Variants in AKAP12 observed in about 807,000 individuals in gnomAD.
AKAP12 encodes A-kinase anchoring protein 12.
In AKAP12, 32 loss-of-function variants were observed where a neutral mutation model predicts 79.9. The observed-to-expected ratio is 0.40, with a 90% CI of 0.30 to 0.54. The LOEUF is 0.54. Ranked by LOEUF, AKAP12 falls within the 20% of genes least tolerant of loss-of-function variation. The pLI is 0.48. For synonymous variants in AKAP12, 808 were observed against 857.0 expected, an observed-to-expected ratio of 0.94 and a Z score of 1.00; for missense variants, 2,074 against 2,177.0, an observed-to-expected ratio of 0.95 and a Z score of 0.94.
intron 2 of AKAP12, among the ~76,000 whole-genome samples, chr6:151,259,202 G>A (rs1055604613): frequency 6.6e-6 from 1 of 150,782 alleles, no homozygotes; most frequent in Non-Finnish European, 1.5e-5. Flanking sequence ...CTGCCACCAC[G>A]CCCCGTTAAT....
chr6:151,354,528 C>A (rs1010810149), intron 4 of AKAP12, among the ~76,000 whole-genome samples: 1 of 152,076 alleles, frequency 6.6e-6, no homozygotes, highest in Non-Finnish European at 1.5e-5. Context: ...TGCCCGCCAC[C>A]ATACCCAGCT....
chr6:151,264,571 T>C (rs1797509530), intron 2 of AKAP12, among the ~76,000 whole-genome samples: 1 of 150,834 alleles, frequency 6.6e-6, no homozygotes, highest in African/African-American at 2.4e-5. Context: ...CTCAGGAGGC[T>C]GAGGCAGGAG....
intron 2 of AKAP12, among the ~76,000 whole-genome samples, chr6:151,304,818 C>T (rs868521834): frequency 2.0e-5 from 3 of 152,006 alleles, no homozygotes; most frequent in South Asian, 4.2e-4. Context: ...GTGATCTGCC[C>T]GCCTCGGCCT....
rs750035391 is a variant in AKAP12 at position 151,349,816 on chromosome 6, C to T, written c.1425C>T (p.Asp475=). The T allele has an allele frequency of 1.7e-4, 275 of 1,613,970 alleles. 1 individual carries two copies. Among genetic ancestry groups the T allele is most frequent in the Middle Eastern group, 1.6e-4 (1 of 6,084 alleles). ...KLKETCVSGE[D]PTQGADLSPD... ...AAGAAACGTGTGTTTCCGGAGAGGA[C>T]CCTACACAGGGAGCTGACCTCAGTC... Residue 475 remains aspartate, a synonymous_variant, in exon 4 of 5, where the codon GAC becomes GAT. Transcript: ENST00000402676.
chr6:151,330,876 TG>T (rs1777649319), intron 3 of AKAP12, among the ~76,000 whole-genome samples: 1 of 152,150 alleles, frequency 6.6e-6, no homozygotes, highest in Non-Finnish European at 1.5e-5. Flanking sequence ...AGCTTGCGGA[TG>T]GGGAACACAT....
At chr6:151,317,213 C>T (rs962237490) in intron 3 of AKAP12, among the ~76,000 whole-genome samples, 23 of 152,148 alleles carry the variant, frequency 1.5e-4, no homozygotes, top group African/African-American at 5.3e-4. Flanking sequence ...TTCTGCTTAA[C>T]CACTTGAAGG....
Position 151,356,373 on chromosome 6 carries a change from CAT to C in AKAP12, c.*661_*662del, listed in dbSNP as rs1778440563. The C allele has an allele frequency of 2.0e-5, 3 of 152,652 alleles. No individual in the cohort carries two copies. The South Asian group carries it at 6.2e-4, about 32-fold the overall frequency. The allele number at this position is 152,652 out of a possible 1,614,324, so 9.5% of individuals were successfully genotyped here. On this transcript the variant is annotated 3_prime_UTR_variant, in exon 5 of 5. Transcript: ENST00000402676. ...GCTAAAACTAAAAAGCATTTTGAAACATACAGAATGTTCTATTGTCATTGGGA... is the reference window on the plus strand; with the variant it reads ...GCTAAAACTAAAAAGCATTTTGAAACACAGAATGTTCTATTGTCATTGGGA...
At position 151,350,795 on chromosome 6, in the gene AKAP12, G is replaced by A. The variant is rs1170555508; in HGVS notation, c.2404G>A (p.Glu802Lys). ...TCCAGACACTGAACCCGGTAAAGAAGAATCCTGGGTCTCAATCAAGAAGTT... is the reference window on the plus strand; with the variant it reads ...TCCAGACACTGAACCCGGTAAAGAAAAATCCTGGGTCTCAATCAAGAAGTT... ...STPDTEPGKEESWVSIKKFIP... is the reference protein window; with the variant it reads ...STPDTEPGKEKSWVSIKKFIP... Residue 802 changes from glutamate (E) to lysine (K), a missense_variant, in exon 4 of 5, where the codon GAA becomes AAA. By Grantham distance (56) the Glu-to-Lys change is moderately conservative. Around this residue, in one of 3 missense-constraint regions of AKAP12, gnomAD observed 1,428 missense variants for 1,451.0 expected, o/e 0.98. Transcript: ENST00000402676. The surrounding 1 kb of genome is among the most constrained non-coding windows in gnomAD (Gnocchi z 4.8). 6.2e-7 allele frequency: 1 copy of A among 1,613,920 alleles called. No individual in the cohort carries two copies. Among genetic ancestry groups the A allele is most frequent in the East Asian group, 2.2e-5 (1 of 44,884 alleles).
intron 2 of AKAP12, among the ~76,000 whole-genome samples, chr6:151,286,997 GGCGTGAT>G (rs1349476773): frequency 1.3e-5 from 2 of 151,270 alleles, no homozygotes; most frequent in African/African-American, 4.9e-5. Context: ...GGAGTGCAGT[GGCGTGAT>G]CTCGGCTCAC....
chr6:151,312,952 A>C (rs1422510086), intron 3 of AKAP12, among the ~76,000 whole-genome samples: 1 of 152,154 alleles, frequency 6.6e-6, no homozygotes, highest in Non-Finnish European at 1.5e-5. Context: ...GCGCTCAGCA[A>C]ATATATGAAT....
At chr6:151,299,473 T>C (rs1018814805) in intron 2 of AKAP12, among the ~76,000 whole-genome samples, 2 of 152,186 alleles carry the variant, frequency 1.3e-5, no homozygotes, top group African/African-American at 4.8e-5. Context: ...AAAGATTTGG[T>C]ACATATTGTT....
intron 3 of AKAP12, among the ~76,000 whole-genome samples, chr6:151,309,239 G>A (rs986843022): frequency 6.6e-6 from 1 of 152,166 alleles, no homozygotes; most frequent in Non-Finnish European, 1.5e-5. Context: ...TTTGCTGTAG[G>A]ATAGACAAAG....
At chr6:151,341,633 G>A in intron 3 of AKAP12, 2 of 1,034,498 alleles carry the variant, frequency 1.9e-6, no homozygotes, top group Non-Finnish European at 1.2e-6. Context: ...CGGCTGTTGG[G>A]CTGCCCCTGC....
At chr6:151,266,088 A>G (rs1219577333) in intron 2 of AKAP12, among the ~76,000 whole-genome samples, 1 of 152,206 alleles carries the variant, frequency 6.6e-6, no homozygotes, top group Non-Finnish European at 1.5e-5. Flanking sequence ...TCTGGAATAA[A>G]TGTAATTGAT....
chr6:151,319,535 T>G (rs535004190), intron 3 of AKAP12: 4 of 88,724 alleles, frequency 4.5e-5, no homozygotes, highest in African/African-American at 1.7e-4. Flanking sequence ...TAGATATATA[T>G]ATATAGATAT....
chr6:151,241,308 C>G (rs1278445680), intron 2 of AKAP12, among the ~76,000 whole-genome samples: 1 of 152,234 alleles, frequency 6.6e-6, no homozygotes, highest in Non-Finnish European at 1.5e-5. Context: ...GCAGAGAAAG[C>G]CTGGGGTGTA....
intron 3 of AKAP12, among the ~76,000 whole-genome samples, chr6:151,343,749 A>T (rs1778009642): frequency 6.6e-6 from 1 of 152,110 alleles, no homozygotes; most frequent in Non-Finnish European, 1.5e-5. Flanking sequence ...GAGCCACTGC[A>T]CTCCAGCGTG....
In AKAP12 at chr6:151,348,951, A is replaced by G. The variant is rs200572012; in HGVS notation, c.560A>G (p.Lys187Arg). 115 of 1,614,098 alleles carry G rather than the reference A, an allele frequency of 7.1e-5. No individual in the cohort carries two copies. In the East Asian group the frequency reaches 2.5e-3, roughly 35 times the overall value. ...GTTGGCTTTAAATTCACTGTGAAAAAGGATAAGACAGAGAAGCCTGACACT... is the reference window on the plus strand; with the variant it reads ...GTTGGCTTTAAATTCACTGTGAAAAGGGATAAGACAGAGAAGCCTGACACT... ...KFVGFKFTVK[K>R]DKTEKPDTVQ... Residue 187 changes from lysine (K) to arginine (R), a missense_variant, in exon 4 of 5, where the codon AAG becomes AGG. By Grantham distance (26) the Lys-to-Arg change is conservative. Coordinates refer to ENST00000402676, the MANE Select transcript of AKAP12 (RefSeq NM_005100.4).
At chr6:151,253,509 A>G (rs1316742845) in intron 2 of AKAP12, among the ~76,000 whole-genome samples, 1 of 151,960 alleles carries the variant, frequency 6.6e-6, no homozygotes, top group Non-Finnish European at 1.5e-5. Flanking sequence ...TACAGGCATG[A>G]GCCACTGCAC....
Sources: allele counts gnomAD v4.1 joint callset (sites outside exome capture counted in the v4.1 genomes callset), GRCh38; gene constraint gnomAD v4.1.1; regional missense constraint gnomAD v4.1.1; non-coding constraint Gnocchi (gnomAD v3.1); transcripts MANE v1.5; gene names NCBI Gene and HGNC (gene_info 2026-07-23, HGNC 2026-07-21).